Variants in CADPS2 observed in about 807,000 individuals in gnomAD.
The protein encoded by CADPS2 is calcium-dependent secretion activator 2.
A neutral mutation model predicts 172.5 loss-of-function variants in CADPS2; 93 were observed. That is an observed-to-expected ratio of 0.54 (90% CI 0.46 to 0.64). CADPS2 has a LOEUF of 0.64. CADPS2 is among the 30% of genes least tolerant of loss of function. CADPS2 has a pLI of 0.00. For missense variants in CADPS2, 1,420 were observed against 1,565.9 expected (o/e 0.91, Z 1.57); for synonymous variants, 546 against 555.2 (o/e 0.98, Z 0.23).
At chr7:122,432,400 G>T (rs1279605932) in intron 17 of CADPS2, among the ~76,000 whole-genome samples, 1 of 152,094 alleles carries the variant, frequency 6.6e-6, no homozygotes, top group Non-Finnish European at 1.5e-5. Context: ...GGCACTTTGG[G>T]AGGCTGAGGC....
At chr7:122,784,882 A>G (rs549042033) in intron 1 of CADPS2, among the ~76,000 whole-genome samples, 3 of 152,256 alleles carry the variant, frequency 2.0e-5, no homozygotes, top group African/African-American at 7.2e-5. Flanking sequence ...AATATTGTCT[A>G]TTATATAATT....
intron 20 of CADPS2, among the ~76,000 whole-genome samples, chr7:122,395,297 AT>A (rs1012552609): frequency 1.1e-4 from 16 of 151,816 alleles, no homozygotes; most frequent in Non-Finnish European, 1.8e-4. Context: ...AATATAACAG[AT>A]TTTTTTTTCT....
chr7:122,664,588 T>G (rs542612595), intron 2 of CADPS2, among the ~76,000 whole-genome samples: 1 of 152,318 alleles, frequency 6.6e-6, no homozygotes, highest in Non-Finnish European at 1.5e-5. Flanking sequence ...TAAGTATCAG[T>G]TAAGATTCAT....
chr7:122,665,789 A>C (rs1031556973), intron 2 of CADPS2, among the ~76,000 whole-genome samples: 6 of 152,208 alleles, frequency 3.9e-5, no homozygotes, highest in Non-Finnish European at 8.8e-5. Context: ...TGTGTAACAC[A>C]TTCCCAAAAT....
chr7:122,423,303 T>A (rs1207960164), intron 17 of CADPS2, among the ~76,000 whole-genome samples: 1 of 152,084 alleles, frequency 6.6e-6, no homozygotes, highest in Non-Finnish European at 1.5e-5. Flanking sequence ...GGAAATTAGG[T>A]ACTTCCTTGC....
intron 12 of CADPS2, among the ~76,000 whole-genome samples, chr7:122,476,669 G>T (rs777568995): frequency 1.3e-5 from 2 of 151,788 alleles, no homozygotes; most frequent in Non-Finnish European, 2.9e-5. Context: ...GACTCTACTC[G>T]GAAAAAACAG....
intron 2 of CADPS2, among the ~76,000 whole-genome samples, chr7:122,685,382 C>A (rs2083502689): frequency 6.6e-6 from 1 of 152,180 alleles, no homozygotes; most frequent in Admixed American, 6.5e-5. Context: ...AAATCAAATT[C>A]TTCCCAAGCC....
At chr7:122,674,126 G>A (rs569878229) in intron 2 of CADPS2, among the ~76,000 whole-genome samples, 23 of 152,238 alleles carry the variant, frequency 1.5e-4, no homozygotes, top group African/African-American at 5.3e-4. Flanking sequence ...CTCCAAGTGT[G>A]GGGCCCACTG....
chr7:122,767,867 G>A (rs1654664362), intron 1 of CADPS2, among the ~76,000 whole-genome samples: 1 of 152,134 alleles, frequency 6.6e-6, no homozygotes, highest in South Asian at 2.1e-4. Context: ...GAAAATTTGA[G>A]CTTCTAGAAT....
intron 29 of CADPS2, among the ~76,000 whole-genome samples, chr7:122,321,150 C>CATTG (rs910212286): frequency 1.3e-5 from 2 of 152,102 alleles, no homozygotes; most frequent in African/African-American, 4.8e-5. Context: ...CTTATGTTTA[C>CATTG]ATTGATTGAT....
At chr7:122,396,748 G>A (rs1299447840) in intron 20 of CADPS2, among the ~76,000 whole-genome samples, 1 of 152,074 alleles carries the variant, frequency 6.6e-6, no homozygotes, top group Non-Finnish European at 1.5e-5. Context: ...TCTCTACCCT[G>A]GACAGGTTTC....
At chr7:122,686,741 G>A (rs1173657709) in intron 2 of CADPS2, among the ~76,000 whole-genome samples, 1 of 152,166 alleles carries the variant, frequency 6.6e-6, no homozygotes, top group Non-Finnish European at 1.5e-5. Context: ...CTGGTGTGCA[G>A]TGGCACAATC....
chr7:122,471,322 C>CT, intron 14 of CADPS2, 53 bp downstream of exon 14: 1 of 1,281,508 alleles, frequency 7.8e-7, no homozygotes, highest in Non-Finnish European at 1.0e-6. Context: ...ATTTTTCTCT[C>CT]TTTTCCATAG....
At chr7:122,372,052 T>A (rs757835812) in intron 25 of CADPS2, among the ~76,000 whole-genome samples, 1 of 152,194 alleles carries the variant, frequency 6.6e-6, no homozygotes, top group African/African-American at 2.4e-5. Context: ...ACTCTATCTG[T>A]ATTAACATAC....
chr7:122,376,357 A>C (rs1360065572), intron 25 of CADPS2, among the ~76,000 whole-genome samples: 1 of 152,192 alleles, frequency 6.6e-6, no homozygotes, highest in Non-Finnish European at 1.5e-5. Context: ...TGGATAATTA[A>C]AATGAGTTAT....
At chr7:122,616,858 G>A (rs1044310233) in intron 5 of CADPS2, among the ~76,000 whole-genome samples, 2 of 152,028 alleles carry the variant, frequency 1.3e-5, no homozygotes, top group Non-Finnish European at 2.9e-5. Flanking sequence ...GAAACCAGAA[G>A]CTGAGATAAA....
At chr7:122,415,352 T>C (rs1315221246) in intron 18 of CADPS2, among the ~76,000 whole-genome samples, 2 of 152,212 alleles carry the variant, frequency 1.3e-5, no homozygotes, top group East Asian at 1.9e-4. Context: ...TGATGCAGCA[T>C]TGTAAGACGG....
rs190994460 is a variant in CADPS2, at chr7:122,831,082, T to C, written c.339+54917A>G. ...TGAAAGAGAAAGAGAAGTTTAGAAG[T>C]TGTGCTAGAAGAAGCACTACCATGC... On this transcript the variant is annotated intron_variant, in intron 1 of 29. Transcript: ENST00000449022. Among the ~76,000 whole-genome samples the C allele has an allele frequency of 2.8e-3, 432 of 152,316 alleles. 2 individuals carry two copies. Among genetic ancestry groups the C allele is most frequent in the African/African-American group, 0.01 (416 of 41,578 alleles).
chr7:122,708,380 G>A (rs1280632027), intron 2 of CADPS2, among the ~76,000 whole-genome samples: 2 of 150,060 alleles, frequency 1.3e-5, no homozygotes, highest in African/African-American at 4.9e-5. Context: ...AAGAGTATAG[G>A]ATAGTTAGAA....
Sources: gnomAD v4.1 joint callset for allele counts (sites outside exome capture counted in the v4.1 genomes callset) on GRCh38, gnomAD v4.1.1 for gene constraint, MANE v1.5 for transcripts, NCBI Gene and HGNC (gene_info 2026-07-23, HGNC 2026-07-21) for gene names.